WDFY4: variants seen among roughly 807,000 people sequenced by gnomAD.
The protein encoded by WDFY4 is WDFY family member 4.
Under a neutral mutation model 351.9 loss-of-function variants are expected in WDFY4, and 169 were observed. That is an observed-to-expected ratio of 0.48 (90% confidence interval 0.42 to 0.55). The LOEUF is 0.55. WDFY4 is among the 20% of genes least tolerant of loss of function. The probability of loss-of-function intolerance (pLI) is 0.00; values close to 1 mark genes in which losing one functional copy is unlikely to be tolerated. For synonymous variants in WDFY4, 1,622 were observed against 1,574.6 expected (o/e 1.03, Z -0.71); for missense variants, 3,803 against 3,935.6 (o/e 0.97, Z 0.90).
chr10:48,922,277 C>G (rs1839151372), intron 47 of WDFY4, among the ~76,000 whole-genome samples: 1 of 152,168 alleles, frequency 6.6e-6, no homozygotes, highest in Non-Finnish European at 1.5e-5. Flanking sequence ...TTGAATCATC[C>G]CTTTTTCCAG....
At chr10:48,975,160 C>A in intron 58 of WDFY4, 119 bp downstream of exon 58, 1 of 1,354,420 alleles carries the variant, frequency 7.4e-7, no homozygotes, top group South Asian at 1.3e-5. Flanking sequence ...TGAGAGGGCC[C>A]CCAATTGTGT....
chr10:48,900,145 T>G, intron 45 of WDFY4, 76 bp from the exon 46 acceptor site: 2 of 1,339,206 alleles, frequency 1.5e-6, no homozygotes, highest in Non-Finnish European at 2.1e-6. Flanking sequence ...ATGACCCATT[T>G]CCAGCAGCTG....
intron 47 of WDFY4, among the ~76,000 whole-genome samples, chr10:48,910,722 T>C (rs1040796793): frequency 8.5e-5 from 13 of 152,122 alleles, no homozygotes; most frequent in Admixed American, 2.0e-4. Context: ...CTGAGATGTG[T>C]GATAAGAGGC....
chr10:48,777,464 T>A lies in WDFY4; in HGVS notation c.3144T>A (p.Thr1048=). The A allele has an allele frequency of 6.4e-7, 1 of 1,551,774 alleles. No individual in the cohort carries two copies. Among genetic ancestry groups the A allele is most frequent in the Non-Finnish European group, 8.7e-7 (1 of 1,147,010 alleles). The change falls in exon 17 of 62, where the codon ACT becomes ACA. Residue 1048 remains threonine, a synonymous_variant. Coordinates refer to ENST00000325239, the MANE Select transcript of WDFY4 (RefSeq NM_001394531.1). ...TGTCCACAGTTATGGGAACCAGCAC[T>A]GAGTACTCTGTCTCTGGAGGAATTG... is the stretch of plus-strand genomic sequence containing the variant. ...PTLSTVMGTS[T]EYSVSGGIGT...
intron 56 of WDFY4, 73 bp from the exon 57 acceptor site, chr10:48,970,058 C>A: frequency 2.0e-6 from 3 of 1,495,206 alleles, no homozygotes; most frequent in South Asian, 1.3e-5. Flanking sequence ...GGCCCACATA[C>A]CCCCGTGACT....
chr10:48,713,884 G>C (rs2063829983), intron 2 of WDFY4, among the ~76,000 whole-genome samples: 1 of 152,190 alleles, frequency 6.6e-6, no homozygotes, highest in Non-Finnish European at 1.5e-5. Flanking sequence ...GAGACTAAGA[G>C]ATGAAATGAT....
At chr10:48,697,975 C>T (rs114188165) in intron 1 of WDFY4, among the ~76,000 whole-genome samples, 2,058 of 152,284 alleles carry the variant, frequency 0.014, 58 homozygotes, top group African/African-American at 0.046. Context: ...CCCACGGGTG[C>T]GCCTGTCCTC....
chr10:48,806,177 G>A, intron 27 of WDFY4, 82 bp downstream of exon 27: 1 of 1,406,730 alleles, frequency 7.1e-7, no homozygotes. Flanking sequence ...CAGAGGGAGG[G>A]GCTAAGTAAG....
In WDFY4 at chr10:48,803,308, A is replaced by G. The variant is rs1384805917; in HGVS notation, c.4433A>G (p.Asn1478Ser). The stretch of plus-strand genomic sequence containing the variant: ...CAGCTCTGGATGAATACTGCAGACA[A>G]TCTGGAGCTCAGCCTCTTTTCCCAT... ...NFELWMNTADNLELSLFSHLL... is the reference protein window; with the variant it reads ...NFELWMNTADSLELSLFSHLL... Residue 1478 changes from asparagine to serine, a missense_variant, in exon 25 of 62, where the codon AAT (asparagine) becomes AGT (serine). By Grantham distance (46) the Asn-to-Ser change is conservative. Coordinates refer to ENST00000325239, the MANE Select transcript of WDFY4 (RefSeq NM_001394531.1). 3.9e-6 allele frequency: 6 copies of G among 1,552,014 alleles called. No homozygotes were observed. Among genetic ancestry groups the G allele is most frequent in the South Asian group, 1.2e-5 (1 of 84,064 alleles).
intron 51 of WDFY4, among the ~76,000 whole-genome samples, chr10:48,955,616 G>A (rs1221266693): frequency 1.3e-5 from 2 of 152,250 alleles, no homozygotes; most frequent in Admixed American, 6.5e-5. Flanking sequence ...AAAAATCAGT[G>A]TACTTTGAGG....
At position 48,777,502 on chromosome 10, in the gene WDFY4, G is replaced by A. The variant is rs1472921919; in HGVS notation, c.3175+7G>A. On this transcript the variant is annotated splice_region_variant and intron_variant, in intron 17 of 61. Transcript: ENST00000325239. ...TCTGGAGGAATTGGGACAGGTAGGT[G>A]TTTTTCCCAGATGGTTTAGCTCTCC... 3.9e-6 allele frequency: 6 copies of A among 1,551,530 alleles called. No individual in the cohort carries two copies. The highest frequency in any genetic ancestry group is 4.4e-6 in the Non-Finnish European group (5 of 1,146,804).
chr10:48,809,835 G>C (rs2067389293), intron 28 of WDFY4, among the ~76,000 whole-genome samples: 1 of 152,312 alleles, frequency 6.6e-6, no homozygotes. Context: ...CATTTCAGTG[G>C]ATACCAGCCA....
At chr10:48,803,246 C>T in intron 24 of WDFY4, 40 bp from the exon 25 acceptor site, 1 of 1,543,400 alleles carries the variant, frequency 6.5e-7, no homozygotes. Flanking sequence ...ATTCTTCTCC[C>T]ACACCTTCAT....
At chr10:48,699,853 T>TTCCAAAGTCCCTC (rs1411312551) in intron 1 of WDFY4, among the ~76,000 whole-genome samples, 2 of 152,146 alleles carry the variant, frequency 1.3e-5, no homozygotes, top group Non-Finnish European at 2.9e-5. Context: ...ATTCTTCTGC[T>TTCCAAAGTCCCTC]TCCAAAGTCC....
intron 43 of WDFY4, among the ~76,000 whole-genome samples, chr10:48,887,577 G>A (rs890022010): frequency 2.0e-5 from 3 of 152,168 alleles, no homozygotes; most frequent in Non-Finnish European, 4.4e-5. Flanking sequence ...AGGAGATCAA[G>A]ACCATCCTGG....
At chr10:48,760,533 G>C (rs543340529) in intron 13 of WDFY4, 93 bp downstream of exon 13, 1 of 1,233,030 alleles carries the variant, frequency 8.1e-7, no homozygotes, top group South Asian at 1.3e-5. Flanking sequence ...CCTTTTGTCC[G>C]TGTCTTCAGT....
At chr10:48,978,216 G>A in intron 59 of WDFY4, 93 bp from the exon 60 acceptor site, 1 of 1,297,274 alleles carries the variant, frequency 7.7e-7, no homozygotes, top group Admixed American at 2.6e-5. Context: ...CTTTCCCTGG[G>A]GGACCCCTAG....
intron 11 of WDFY4, among the ~76,000 whole-genome samples, chr10:48,736,953 T>C (rs535390429): frequency 1.3e-5 from 2 of 152,378 alleles, no homozygotes; most frequent in African/African-American, 4.8e-5. Context: ...TGTAATATTG[T>C]TAACATTCAT....
At chr10:48,845,660 C>T (rs953879978) in intron 39 of WDFY4, among the ~76,000 whole-genome samples, 2 of 152,162 alleles carry the variant, frequency 1.3e-5, no homozygotes, top group African/African-American at 4.8e-5. Context: ...GTATCCTATC[C>T]AGTTCATCTT....
Sources: allele counts gnomAD v4.1 joint callset (sites outside exome capture counted in the v4.1 genomes callset), GRCh38; gene constraint gnomAD v4.1.1; transcripts MANE v1.5; gene names NCBI Gene and HGNC (gene_info 2026-07-23, HGNC 2026-07-21).